Variants in ALDH16A1 observed in about 807,000 individuals in gnomAD.
The protein encoded by ALDH16A1 is aldehyde dehydrogenase family 16 member A1.
Under a neutral mutation model 96.1 loss-of-function variants are expected in ALDH16A1, and 88 were observed. The observed-to-expected ratio is 0.92, with a 90% CI of 0.77 to 1.09. The LOEUF is 1.09. Ranked by LOEUF, ALDH16A1 falls within the 50% of genes least tolerant of loss-of-function variation. ALDH16A1 has a pLI of 0.00. For synonymous variants in ALDH16A1, 522 were observed against 496.4 expected (o/e 1.05, Z -0.69); for missense variants, 1,250 against 1,112.6 (o/e 1.12, Z -1.76).
At position 49,459,022 on chromosome 19, in the gene ALDH16A1, G is replaced by C. The variant is rs1307974497; in HGVS notation, c.256G>C (p.Ala86Pro). 1 of 1,613,478 alleles carries C rather than the reference G, an allele frequency of 6.2e-7. No homozygotes were observed. The highest frequency in any genetic ancestry group is 8.5e-7 in the Non-Finnish European group (1 of 1,180,036). Residue 86 changes from alanine (A) to proline (P), a missense_variant, in exon 3 of 17, where the codon GCC becomes CCC. Transcript: ENST00000293350. This position sits in a 1 kb window ranked among gnomAD's most constrained non-coding sequence, Gnocchi z 4.1. ...AEDVAAAVEA[A>P]RMAFKGWSAH... Reference sequence around the variant, plus strand: ...GGATGTGGCTGCAGCCGTGGAGGCAGCCAGGATGGCATTTAAGGGCTGGAG... The same window carrying C: ...GGATGTGGCTGCAGCCGTGGAGGCACCCAGGATGGCATTTAAGGGCTGGAG...
intron 2 of ALDH16A1, 129 bp downstream of exon 2, chr19:49,458,717 G>T: frequency 8.8e-7 from 1 of 1,133,624 alleles, no homozygotes; most frequent in South Asian, 1.4e-5. Context: ...GATGGGCTGC[G>T]ATGTCTGGTT....
intron 7 of ALDH16A1, among the ~76,000 whole-genome samples, 181 bp downstream of exon 7, chr19:49,462,217 C>G (rs534608833): frequency 8.7e-4 from 68 of 78,196 alleles, no homozygotes; most frequent in African/African-American, 4.3e-3. Flanking sequence ...ACCGCAACCT[C>G]TGCCTCCCAG....
In ALDH16A1 at chr19:49,470,430, C is replaced by T. The variant is rs754754057; in HGVS notation, c.2372C>T (p.Ala791Val). The T allele has an allele frequency of 1.2e-5, 20 of 1,604,932 alleles. No homozygotes were observed. Among genetic ancestry groups the T allele is most frequent in the African/African-American group, 8.1e-5 (6 of 74,462 alleles). ...GAGPELGLRV[A>V]RTKALWLPMG... ...GGCCCAGAGCTGGGGCTGCGAGTGG[C>T]GCGGACCAAGGCCCTGTGGCTGCCT... The change falls in exon 17 of 17, where the codon GCG becomes GTG. Residue 791 changes from alanine to valine, a missense_variant. Physicochemically the swap from Ala to Val is moderately conservative, Grantham distance 64 (BLOSUM62 0). Transcript: ENST00000293350.
At chr19:49,470,004 C>G in intron 16 of ALDH16A1, 1 of 283,022 alleles carries the variant, frequency 3.5e-6, no homozygotes, top group Non-Finnish European at 6.7e-6. Flanking sequence ...GAGCGAGTCA[C>G]CGCGCCCCAC....
In ALDH16A1 at chr19:49,453,400, G is replaced by GGA. The variant is rs2079083436; in HGVS notation, c.73_74dup (p.Ser25ArgfsTer21). On this transcript the variant is annotated frameshift_variant, in exon 1 of 17. Transcript: ENST00000293350. LOFTEE classifies it high-confidence loss of function. ...CCTCGCTGGAGTACGGACCGGTGCCGGAGAGCCACGCATGCGCACTGGTGA... is the reference window on the plus strand; with the variant it reads ...CCTCGCTGGAGTACGGACCGGTGCCGGAGAGAGCCACGCATGCGCACTGGTGA... 6.4e-7 allele frequency: 1 copy of GGA among 1,556,686 alleles called. No individual in the cohort carries two copies. The highest frequency in any genetic ancestry group is 8.7e-7 in the Non-Finnish European group (1 of 1,152,886).
intron 2 of ALDH16A1, 92 bp from the exon 3 acceptor site, chr19:49,458,868 C>G: frequency 6.6e-7 from 1 of 1,515,550 alleles, no homozygotes; most frequent in African/African-American, 1.4e-5. Context: ...GCTTTACACT[C>G]TTGGGCTGAT....
At chr19:49,470,244 G>A (rs781017861) in intron 16 of ALDH16A1, 62 bp from the exon 17 acceptor site, 3 of 1,587,568 alleles carry the variant, frequency 1.9e-6, no homozygotes, top group Non-Finnish European at 2.6e-6. Flanking sequence ...TCATCGCGGA[G>A]GAAGCAGGTG....
At chr19:49,456,644 C>T (rs1477727031) in intron 1 of ALDH16A1, among the ~76,000 whole-genome samples, 1 of 152,156 alleles carries the variant, frequency 6.6e-6, no homozygotes, top group African/African-American at 2.4e-5. Flanking sequence ...CCCGTCTCAG[C>T]GTGGGAAAGT....
intron 14 of ALDH16A1, among the ~76,000 whole-genome samples, chr19:49,467,519 C>T (rs1410338826): frequency 2.6e-5 from 4 of 151,630 alleles, no homozygotes; most frequent in Admixed American, 6.6e-5. Context: ...CCCAGCCTTC[C>T]GAGTGGCTGG....
chr19:49,469,135 A>T (rs1353146966), intron 16 of ALDH16A1, 149 bp downstream of exon 16: 3 of 1,171,052 alleles, frequency 2.6e-6, no homozygotes, highest in Admixed American at 5.4e-5. Flanking sequence ...CGCCCTTAGG[A>T]CTCAAGTTAC....
chr19:49,464,150 C>T lies in ALDH16A1; in HGVS notation c.1218C>T (p.Ala406=). ...QVEVPWPVVV[A]SPFRTAKEAL... is the part of the protein sequence containing the mutation. Reference sequence around the variant, plus strand: ...AGGTGCCGTGGCCTGTGGTCGTGGCCTCCCCCTTCCGCACAGCCAAGGAGG... The same window carrying T: ...AGGTGCCGTGGCCTGTGGTCGTGGCTTCCCCCTTCCGCACAGCCAAGGAGG... The change falls in exon 10 of 17, where the codon GCC becomes GCT. Residue 406 remains alanine (A), a synonymous_variant. Transcript: ENST00000293350. 2 of 1,608,802 alleles carry T rather than the reference C, an allele frequency of 1.2e-6. No homozygotes were observed. The highest frequency in any genetic ancestry group is 8.5e-7 in the Non-Finnish European group (1 of 1,179,442).
Position 49,463,953 on chromosome 19 carries a change from A to C in ALDH16A1, c.1194+4A>C. 6.2e-7 allele frequency: 1 copy of C among 1,607,026 alleles called. No homozygotes were observed. The highest frequency in any genetic ancestry group is 2.2e-5 in the East Asian group (1 of 44,872). On this transcript the variant is annotated splice_donor_region_variant and intron_variant, in intron 9 of 16. Transcript: ENST00000293350. The stretch of plus-strand genomic sequence containing the variant: ...CTCCCCATGTGCCCAGGTGGAGGTG[A>C]GACCCTTAAGGCTGCAGAGCTCCTA...
chr19:49,464,174 G>C lies in ALDH16A1; in HGVS notation c.1242G>C (p.Glu414Asp). The C allele has an allele frequency of 6.2e-7, 1 of 1,608,754 alleles. No individual in the cohort carries two copies. Among genetic ancestry groups the C allele is most frequent in the South Asian group, 1.1e-5 (1 of 90,980 alleles). ...CCTCCCCCTTCCGCACAGCCAAGGA[G>C]GCACTGTTGGTGGCCAACGGGACGC... Reference protein sequence around the residue: ...VVASPFRTAKEALLVANGTPR... With the variant: ...VVASPFRTAKDALLVANGTPR... Residue 414 changes from glutamate (E) to aspartate (D), a missense_variant, in exon 10 of 17, where the codon GAG becomes GAC. Glu to Asp is a conservative substitution (Grantham distance 45, BLOSUM62 2). Coordinates refer to ENST00000293350, the MANE Select transcript of ALDH16A1 (RefSeq NM_153329.4).
In ALDH16A1 at chr19:49,462,046, G is replaced by A. The variant is rs773900309; in HGVS notation, c.912+10G>A. ...GTCCGACCGCGGCCCGGTGAGACCC[G>A]TGCGCTCCCGTCTCCTCATACCCTG... On this transcript the variant is annotated intron_variant, in intron 7 of 16. Transcript: ENST00000293350. 4.7e-5 allele frequency: 72 copies of A among 1,536,852 alleles called. No homozygotes were observed. Among genetic ancestry groups the A allele is most frequent in the Non-Finnish European group, 5.5e-5 (63 of 1,146,464 alleles).
At chr19:49,466,981 G>C (rs1381388015) in intron 14 of ALDH16A1, among the ~76,000 whole-genome samples, 1 of 152,156 alleles carries the variant, frequency 6.6e-6, no homozygotes, top group Non-Finnish European at 1.5e-5. Context: ...AAACCAGCCT[G>C]GGCAACACAG....
intron 5 of ALDH16A1, among the ~76,000 whole-genome samples, chr19:49,461,390 G>A (rs1267798300): frequency 1.8e-4 from 26 of 144,892 alleles, no homozygotes; most frequent in African/African-American, 6.0e-4. Context: ...TGAGGGAGGA[G>A]GGGCTGGAGT....
intron 4 of ALDH16A1, 109 bp from the exon 5 acceptor site, chr19:49,460,713 C>CGT: frequency 5.3e-6 from 4 of 752,248 alleles, no homozygotes; most frequent in Admixed American, 2.4e-5. Context: ...CACACCCGGC[C>CGT]ATTTTTTTTT....
intron 16 of ALDH16A1, 115 bp from the exon 17 acceptor site, chr19:49,470,191 C>A: frequency 1.5e-6 from 2 of 1,293,684 alleles, no homozygotes; most frequent in Admixed American, 2.1e-5. Flanking sequence ...ATTGTAGCTG[C>A]AGAGCCTGGG....
At position 49,468,463 on chromosome 19, in the gene ALDH16A1, T is replaced by C. The variant is rs770710935; in HGVS notation, c.2021T>C (p.Leu674Pro). Residue 674 changes from leucine (L) to proline (P), a missense_variant, in exon 15 of 17, where the codon CTG (leucine) becomes CCG (proline). Transcript: ENST00000293350. The surrounding 1 kb of genome is among the most constrained non-coding windows in gnomAD (Gnocchi z 4.4). ...GTGGTGTGTCCGGACGAGTGGCCCC[T>C]GCTTGCCTTCGTGTCCCTGCTGGCT... ...LAVVCPDEWP[L>P]LAFVSLLAPA... 2 of 1,602,184 alleles carry C rather than the reference T, an allele frequency of 1.2e-6. No individual in the cohort carries two copies. Among genetic ancestry groups the C allele is most frequent in the Non-Finnish European group, 1.7e-6 (2 of 1,179,822 alleles).
Sources: allele counts gnomAD v4.1 joint callset (sites outside exome capture counted in the v4.1 genomes callset), GRCh38; gene constraint gnomAD v4.1.1; non-coding constraint Gnocchi (gnomAD v3.1); transcripts MANE v1.5; gene names NCBI Gene and HGNC (gene_info 2026-07-23, HGNC 2026-07-21).